GALNTL6: variants seen among roughly 807,000 people sequenced by gnomAD.
GALNTL6 encodes polypeptide N-acetylgalactosaminyltransferase like 6.
In GALNTL6, 46 loss-of-function variants were observed where a neutral mutation model predicts 73.7. That is an observed-to-expected ratio of 0.62 (90% CI 0.49 to 0.80). The LOEUF (loss-of-function observed/expected upper bound fraction) is 0.80, where lower values mean the gene tolerates loss of function less well. GALNTL6 is among the 30% of genes least tolerant of loss of function. GALNTL6 has a pLI of 0.00. For missense variants in GALNTL6, 604 were observed against 755.0 expected (o/e 0.80, Z 2.34); for synonymous variants, 259 against 263.7 (o/e 0.98, Z 0.17).
chr4:172,461,145 C>T (rs1732597316), intron 5 of GALNTL6, among the ~76,000 whole-genome samples: 1 of 151,664 alleles, frequency 6.6e-6, no homozygotes, highest in Non-Finnish European at 1.5e-5. Flanking sequence ...CATGTTATCA[C>T]TTATAAATGG....
chr4:171,999,421 G>A (rs1740603111), intron 2 of GALNTL6, among the ~76,000 whole-genome samples: 1 of 152,178 alleles, frequency 6.6e-6, no homozygotes, highest in Non-Finnish European at 1.5e-5. Flanking sequence ...AGAGATTGGT[G>A]TTGAAGGGCT....
chr4:173,026,691 A>G (rs1372337043), intron 12 of GALNTL6, among the ~76,000 whole-genome samples: 2 of 152,128 alleles, frequency 1.3e-5, no homozygotes, highest in African/African-American at 2.4e-5. Context: ...TCTTTTGCCC[A>G]TTTTCAAAAC....
chr4:172,409,448 A>G (rs1352380069), intron 5 of GALNTL6, among the ~76,000 whole-genome samples: 1 of 152,012 alleles, frequency 6.6e-6, no homozygotes, highest in Admixed American at 6.6e-5. Context: ...CAATAACTGG[A>G]TTTTATAGAT....
intron 5 of GALNTL6, among the ~76,000 whole-genome samples, chr4:172,445,294 T>A (rs954708561): frequency 7.9e-5 from 12 of 152,304 alleles, no homozygotes; most frequent in African/African-American, 2.2e-4. Context: ...TTATCTTGCC[T>A]GGTGACTTGA....
At chr4:172,421,788 C>A (rs1285200756) in intron 5 of GALNTL6, among the ~76,000 whole-genome samples, 3 of 152,012 alleles carry the variant, frequency 2.0e-5, no homozygotes, top group Non-Finnish European at 4.4e-5. Context: ...CTCTCAGTAA[C>A]AGGAGAGAGC....
chr4:172,182,929 A>G (rs1388609982), intron 2 of GALNTL6, among the ~76,000 whole-genome samples: 1 of 152,142 alleles, frequency 6.6e-6, no homozygotes, highest in Non-Finnish European at 1.5e-5. Flanking sequence ...TATATAATTC[A>G]AAGAACGCAT....
At chr4:172,255,220 C>T (rs962550872) in intron 3 of GALNTL6, among the ~76,000 whole-genome samples, 3 of 151,608 alleles carry the variant, frequency 2.0e-5, no homozygotes, top group African/African-American at 4.8e-5. Flanking sequence ...TAATTTAGTC[C>T]TCACTTAATT....
At chr4:172,674,259 T>C (rs1732154528) in intron 5 of GALNTL6, among the ~76,000 whole-genome samples, 1 of 152,142 alleles carries the variant, frequency 6.6e-6, no homozygotes, top group Admixed American at 6.6e-5. Flanking sequence ...TGGGTTGGAA[T>C]TTCTTTTTCT....
intron 3 of GALNTL6, among the ~76,000 whole-genome samples, chr4:172,259,933 T>C (rs1312186507): frequency 6.6e-6 from 1 of 151,792 alleles, no homozygotes; most frequent in Non-Finnish European, 1.5e-5. Flanking sequence ...TTTGGGTTTA[T>C]TTCTGGGTTC....
At chr4:173,017,008 C>A (rs930205816) in intron 11 of GALNTL6, among the ~76,000 whole-genome samples, 2 of 152,100 alleles carry the variant, frequency 1.3e-5, no homozygotes, top group South Asian at 4.1e-4. Flanking sequence ...TTATAAGGGG[C>A]TTTTCCCCCT....
intron 5 of GALNTL6, among the ~76,000 whole-genome samples, chr4:172,750,481 G>A (rs1478723001): frequency 6.6e-6 from 1 of 152,074 alleles, no homozygotes. Flanking sequence ...TGACCTACCA[G>A]GAGGTACTCT....
At chr4:171,869,677 T>C (rs933328501) in intron 2 of GALNTL6, among the ~76,000 whole-genome samples, 2 of 152,184 alleles carry the variant, frequency 1.3e-5, no homozygotes, top group Non-Finnish European at 2.9e-5. Flanking sequence ...CTCACCCAAA[T>C]CTCATCTTGA....
chr4:171,935,139 C>T (rs930762150), intron 2 of GALNTL6, among the ~76,000 whole-genome samples: 2 of 152,100 alleles, frequency 1.3e-5, no homozygotes, highest in African/African-American at 4.8e-5. Flanking sequence ...GTGAGAGGTA[C>T]TTCCGGACAG....
intron 2 of GALNTL6, among the ~76,000 whole-genome samples, chr4:171,829,639 T>C (rs2110821450): frequency 6.6e-6 from 1 of 152,288 alleles, no homozygotes; most frequent in East Asian, 1.9e-4. Context: ...GAAACTTTCC[T>C]AATCTCCCAT....
At chr4:172,656,472 T>C (rs1183477037) in intron 5 of GALNTL6, among the ~76,000 whole-genome samples, 1 of 152,212 alleles carries the variant, frequency 6.6e-6, no homozygotes, top group Non-Finnish European at 1.5e-5. Flanking sequence ...ATGAACATAG[T>C]GGTGCTGGTG....
chr4:172,863,282 G>A (rs1366227257), intron 7 of GALNTL6, among the ~76,000 whole-genome samples: 1 of 152,170 alleles, frequency 6.6e-6, no homozygotes, highest in Non-Finnish European at 1.5e-5. Context: ...CCGTCCTCCA[G>A]GCCCCAGAAT....
chr4:172,280,629 A>G (rs1739011617), intron 3 of GALNTL6, among the ~76,000 whole-genome samples: 1 of 152,056 alleles, frequency 6.6e-6, no homozygotes, highest in Non-Finnish European at 1.5e-5. Flanking sequence ...TTTTAAATGT[A>G]AGTTTTTGCA....
chr4:173,009,878 G>C (rs1283484073), intron 11 of GALNTL6, among the ~76,000 whole-genome samples: 1 of 151,970 alleles, frequency 6.6e-6, no homozygotes, highest in African/African-American at 2.4e-5. Context: ...TCTATTTTTG[G>C]GGGCACATAG....
At chr4:172,117,579 C>A (rs1033811519) in intron 2 of GALNTL6, among the ~76,000 whole-genome samples, 3 of 152,062 alleles carry the variant, frequency 2.0e-5, no homozygotes, top group Non-Finnish European at 4.4e-5. Context: ...CTTATTTTGT[C>A]AGCTTTACAG....
Sources: gnomAD v4.1 joint callset for allele counts (sites outside exome capture counted in the v4.1 genomes callset) on GRCh38, gnomAD v4.1.1 for gene constraint, MANE v1.5 for transcripts, NCBI Gene and HGNC (gene_info 2026-07-23, HGNC 2026-07-21) for gene names.